Variants in CENPF observed in about 807,000 individuals in gnomAD.
The protein encoded by CENPF is AH antigen.
Under a neutral mutation model 307.3 loss-of-function variants are expected in CENPF, and 214 were observed. The observed-to-expected ratio is 0.70, with a 90% confidence interval of 0.62 to 0.78. CENPF has a LOEUF of 0.78. CENPF is among the 30% of genes least tolerant of loss of function. CENPF has a pLI of 0.00. For synonymous variants in CENPF, 1,259 were observed against 1,270.6 expected (o/e 0.99, Z 0.19); for missense variants, 3,401 against 3,483.9 (o/e 0.98, Z 0.60).
At chr1:214,631,299 C>T (rs547403049) in intron 9 of CENPF, among the ~76,000 whole-genome samples, 2 of 152,182 alleles carry the variant, frequency 1.3e-5, no homozygotes, top group African/African-American at 4.8e-5. Flanking sequence ...TTCTCTTACA[C>T]TTGAATCTGC....
chr1:214,649,839 C>T (rs775676466), intron 14 of CENPF, among the ~76,000 whole-genome samples: 1 of 152,096 alleles, frequency 6.6e-6, no homozygotes, highest in African/African-American at 2.4e-5. Flanking sequence ...GGCCTCAGCC[C>T]CATACATATG....
At chr1:214,650,435 G>A (rs1478350370) in intron 14 of CENPF, among the ~76,000 whole-genome samples, 1 of 152,122 alleles carries the variant, frequency 6.6e-6, no homozygotes. Context: ...TTATGGGAAT[G>A]GTAGAAAATG....
intron 10 of CENPF, among the ~76,000 whole-genome samples, chr1:214,636,181 A>G (rs1657961810): frequency 6.6e-6 from 1 of 152,192 alleles, no homozygotes; most frequent in African/African-American, 2.4e-5. Context: ...GCCCCTGTCA[A>G]AGTGCTTTAA....
intron 19 of CENPF, among the ~76,000 whole-genome samples, chr1:214,660,159 T>A (rs1007368119): frequency 1.4e-4 from 22 of 152,332 alleles, no homozygotes; most frequent in African/African-American, 5.3e-4. Context: ...AATTTCTTTT[T>A]GTTGATGTAT....
Position 214,659,087 on chromosome 1 carries a change from G to T in CENPF, c.9141+59G>T. On this transcript the variant is annotated intron_variant, in intron 19 of 19. Transcript: ENST00000366955. This position sits in a 1 kb window ranked among gnomAD's most constrained non-coding sequence, Gnocchi z 4.4. ...GATCCAGAAAATTGCAGTAGTACCT[G>T]GGTGAGGATTGGACACTGCACCCCC... The T allele has an allele frequency of 6.3e-7, 1 of 1,582,034 alleles. No individual in the cohort carries two copies. Among genetic ancestry groups the T allele is most frequent in the South Asian group, 1.1e-5 (1 of 89,024 alleles).
At chr1:214,614,583 T>G (rs1216255610) in intron 2 of CENPF, among the ~76,000 whole-genome samples, 1 of 152,200 alleles carries the variant, frequency 6.6e-6, no homozygotes, top group Non-Finnish European at 1.5e-5. Context: ...TTTTTAATTT[T>G]TGAAAGGATA....
chr1:214,643,053 G>GA lies in CENPF; in HGVS notation c.4715_4716insA (p.Ser1572ArgfsTer8). The GA allele has an allele frequency of 2.5e-6, 4 of 1,611,148 alleles. No homozygotes were observed. In the East Asian group the frequency reaches 8.9e-5, roughly 36 times the overall value. ...GAGAAGCTAGAAGAGAAAATGGAAA[G>GA]TCAAGGGATTATGAAAAATAAGGAA... On this transcript the variant is annotated frameshift_variant, in exon 12 of 20. Coordinates refer to ENST00000366955, the MANE Select transcript of CENPF (RefSeq NM_016343.4). LOFTEE classifies it high-confidence loss of function.
intron 3 of CENPF, among the ~76,000 whole-genome samples, chr1:214,616,914 TTTCTTTC>T (rs1657371011): frequency 1.2e-5 from 1 of 81,458 alleles, no homozygotes; most frequent in African/African-American, 4.6e-5. Flanking sequence ...TCTTTCTTTC[TTTCTTTC>T]TTCTTTCTTT....
rs781492552 is a variant in CENPF, at chr1:214,640,685, A to C, written c.2347A>C (p.Ser783Arg). 1 of 1,614,058 alleles carries C rather than the reference A, an allele frequency of 6.2e-7. No individual in the cohort carries two copies. The highest frequency in any genetic ancestry group is 8.5e-7 in the Non-Finnish European group (1 of 1,180,004). Reference sequence around the variant, plus strand: ...GGTGACAAATGAAGATCATCAGAGAAGTCTTTTGGCTTTTGATCAGCAGCC... The same window carrying C: ...GGTGACAAATGAAGATCATCAGAGACGTCTTTTGGCTTTTGATCAGCAGCC... ...SLVTNEDHQR[S>R]LLAFDQQPAM... The change falls in exon 12 of 20, where the codon AGT (serine) becomes CGT (arginine). Residue 783 changes from serine (S) to arginine (R), a missense_variant. Physicochemically the swap from Ser to Arg is moderately radical, Grantham distance 110. Transcript: ENST00000366955.
rs147767801 is a variant in CENPF at position 214,650,461 on chromosome 1, C to T, written c.7984-1249C>T. 1.0e-3 allele frequency among the ~76,000 whole-genome samples: 156 copies of T among 152,056 alleles called. No homozygotes were observed. In the East Asian group the frequency reaches 0.011, roughly 10 times the overall value. On this transcript the variant is annotated intron_variant, in intron 14 of 19. Coordinates refer to ENST00000366955, the MANE Select transcript of CENPF (RefSeq NM_016343.4). ...GTAGAAAATGATGGAGAAGAGAAGG[C>T]GGCTCAGGGCCTAGCCTGGAGGAAC...
chr1:214,656,845 A>G (rs1658645547), intron 17 of CENPF, 88 bp from the exon 18 acceptor site: 1 of 890,904 alleles, frequency 1.1e-6, no homozygotes, highest in Non-Finnish European at 1.7e-6. Context: ...CAAAGAAAGA[A>G]CACGTCTAAG....
intron 10 of CENPF, among the ~76,000 whole-genome samples, chr1:214,636,970 CA>C (rs1430816899): frequency 1.3e-5 from 2 of 152,062 alleles, no homozygotes; most frequent in African/African-American, 4.8e-5. Flanking sequence ...GGTTAATAAG[CA>C]AAAAAGTTTT....
intron 7 of CENPF, among the ~76,000 whole-genome samples, chr1:214,623,626 TACTC>T (rs1657575367): frequency 6.6e-6 from 1 of 152,182 alleles, no homozygotes; most frequent in Non-Finnish European, 1.5e-5. Context: ...TTTTTTCTAT[TACTC>T]ATTCATTTAC....
Position 214,640,779 on chromosome 1 carries a change from G to A in CENPF, c.2441G>A (p.Cys814Tyr). 1 of 1,613,026 alleles carries A rather than the reference G, an allele frequency of 6.2e-7. No homozygotes were observed. Among genetic ancestry groups the A allele is most frequent in the Non-Finnish European group, 8.5e-7 (1 of 1,179,718 alleles). Reference protein sequence around the residue: ...QGSMPSERSECRLEADQSPKN... With the variant: ...QGSMPSERSEYRLEADQSPKN... ...AGCATGCCTTCAGAGAGGAGTGAAT[G>A]TCGTTTAGAAGCAGACCAAAGTCCG... Residue 814 changes from cysteine (C) to tyrosine (Y), a missense_variant, in exon 12 of 20, where the codon TGT (cysteine) becomes TAT (tyrosine). Transcript: ENST00000366955.
At chr1:214,652,752 T>C (rs971826332) in intron 15 of CENPF, 76 bp from the exon 16 acceptor site, 1 of 1,357,832 alleles carries the variant, frequency 7.4e-7, no homozygotes, top group Non-Finnish European at 1.0e-6. Flanking sequence ...TGTTTTTTGT[T>C]TTTCTGACTA....
At chr1:214,631,674 A>G (rs1030641503) in intron 9 of CENPF, among the ~76,000 whole-genome samples, 3 of 151,932 alleles carry the variant, frequency 2.0e-5, no homozygotes, top group Non-Finnish European at 4.4e-5. Flanking sequence ...TGATTTTTGT[A>G]TTTTTAGTAG....
intron 16 of CENPF, chr1:214,654,037 A>G (rs1658562442): frequency 6.6e-6 from 1 of 152,212 alleles, no homozygotes; most frequent in Non-Finnish European, 1.5e-5. Flanking sequence ...TGCAACATGA[A>G]TATGGTACTG....
chr1:214,613,101 C>A, intron 1 of CENPF: 2 of 299,004 alleles, frequency 6.7e-6, no homozygotes, highest in South Asian at 8.9e-5. Context: ...GCTTTTTGGT[C>A]CACCACTCCA....
rs778083664 is a variant in CENPF, at chr1:214,641,035, T to G, written c.2697T>G (p.Val899=). 6.4e-7 allele frequency: 1 copy of G among 1,565,814 alleles called. No individual in the cohort carries two copies. Among genetic ancestry groups the G allele is most frequent in the Non-Finnish European group, 8.6e-7 (1 of 1,164,040 alleles). ...QEDTSAHQNV[V]AETLSALENK... is the part of the protein sequence containing the mutation. ...ACACTTCTGCTCACCAGAATGTTGT[T>G]GCTGAAACCTTAAGTGCCCTTGAGA... The change falls in exon 12 of 20, where the codon GTT becomes GTG. Residue 899 remains valine, a synonymous_variant. Coordinates refer to ENST00000366955, the MANE Select transcript of CENPF (RefSeq NM_016343.4).
Sources: allele counts gnomAD v4.1 joint callset (sites outside exome capture counted in the v4.1 genomes callset), GRCh38; gene constraint gnomAD v4.1.1; non-coding constraint Gnocchi (gnomAD v3.1); transcripts MANE v1.5; gene names NCBI Gene and HGNC (gene_info 2026-07-23, HGNC 2026-07-21).